Variants in PCDHGA5 observed in about 807,000 individuals in gnomAD.
The protein encoded by PCDHGA5 is protocadherin gamma subfamily A, 5.
In PCDHGA5, 36 loss-of-function variants were observed where a neutral mutation model predicts 56.7. The ratio of observed to expected loss-of-function variants is 0.64; its 90% confidence interval spans 0.49 to 0.84. PCDHGA5 has a LOEUF of 0.84. Among genes scored for constraint, PCDHGA5 ranks in the 40% least tolerant of loss-of-function variants. The pLI, the probability that PCDHGA5 is intolerant of heterozygous loss-of-function variation, is 0.00. For missense variants in PCDHGA5, 1,305 were observed against 1,201.5 expected, an observed-to-expected ratio of 1.09 and a Z score of -1.27; for synonymous variants, 563 against 520.2, an observed-to-expected ratio of 1.08 and a Z score of -1.12.
At chr5:141,499,438 G>A (rs2154592492) in intron 2 of PCDHGA5, among the ~76,000 whole-genome samples, 1 of 152,158 alleles carries the variant, frequency 6.6e-6, no homozygotes, top group Admixed American at 6.5e-5. Context: ...AAAATTAAAA[G>A]GAAAACCACC....
In PCDHGA5 at chr5:141,364,993, A is replaced by C; in HGVS notation, c.663A>C (p.Val221=). 6.2e-7 allele frequency: 1 copy of C among 1,613,740 alleles called. No individual in the cohort carries two copies. The highest frequency in any genetic ancestry group is 8.5e-7 in the Non-Finnish European group (1 of 1,179,838). ...CAGCTTTAGATGGCGGAGACCCGGTACTCTCCGGCACCACGCACATCCGTG... is the reference window on the plus strand; with the variant it reads ...CAGCTTTAGATGGCGGAGACCCGGTCCTCTCCGGCACCACGCACATCCGTG... ...LLTALDGGDP[V]LSGTTHIRVT... is the part of the protein sequence containing the mutation. The change falls in exon 1 of 4, where the codon GTA becomes GTC. Residue 221 remains valine (V), a synonymous_variant. Coordinates refer to ENST00000518069, the MANE Select transcript of PCDHGA5 (RefSeq NM_018918.3).
chr5:141,384,810 C>A (rs755407612), intron 1 of PCDHGA5: 3 of 1,613,422 alleles, frequency 1.9e-6, no homozygotes, highest in Middle Eastern at 1.7e-4. Flanking sequence ...ACAGAGATGC[C>A]CTCAAGCAGA....
At chr5:141,417,821 A>C in intron 1 of PCDHGA5, 3 of 1,515,060 alleles carry the variant, frequency 2.0e-6, no homozygotes, top group Non-Finnish European at 1.8e-6. Context: ...ACTTTCTCCA[A>C]CTGGAAAAGC....
intron 1 of PCDHGA5, chr5:141,422,820 G>A (rs904706749): frequency 6.2e-6 from 10 of 1,614,178 alleles, no homozygotes; most frequent in Non-Finnish European, 7.6e-6. Flanking sequence ...ACTTAGAACT[G>A]AGAGTGATAG....
chr5:141,473,238 G>A (rs1265577738), intron 1 of PCDHGA5, among the ~76,000 whole-genome samples: 4 of 152,200 alleles, frequency 2.6e-5, no homozygotes, highest in Admixed American at 6.5e-5. Context: ...ATCCACACAA[G>A]TGAATACATA....
chr5:141,393,690 C>T (rs779487285), intron 1 of PCDHGA5: 4 of 1,613,752 alleles, frequency 2.5e-6, no homozygotes, highest in Non-Finnish European at 2.5e-6. Context: ...TCCGTTATTC[C>T]AGCTTAATGA....
At position 141,485,342 on chromosome 5, in the gene PCDHGA5, G is replaced by A; in HGVS notation, c.2422-9465G>A. On this transcript the variant is annotated intron_variant, in intron 1 of 3. Coordinates refer to ENST00000518069, the MANE Select transcript of PCDHGA5 (RefSeq NM_018918.3). The surrounding 1 kb of genome is among the most constrained non-coding windows in gnomAD (Gnocchi z 5.7). ...CGCTCAAGATTTCCTGCTGGATACG[G>A]ACAGTCTGTCAGCTCGCAGGCTGCA... 1 of 1,614,164 alleles carries A rather than the reference G, an allele frequency of 6.2e-7. No homozygotes were observed. The highest frequency in any genetic ancestry group is 8.5e-7 in the Non-Finnish European group (1 of 1,180,026).
At chr5:141,466,384 T>C (rs1209046694) in intron 1 of PCDHGA5, among the ~76,000 whole-genome samples, 9 of 152,168 alleles carry the variant, frequency 5.9e-5, no homozygotes, top group Non-Finnish European at 1.3e-4. Context: ...ACCCATCTAA[T>C]GGAAAGTTTG....
At position 141,365,592 on chromosome 5, in the gene PCDHGA5, C is replaced by G; in HGVS notation, c.1262C>G (p.Thr421Ser). ...GAAGAGACTTCAGATTATAATATCA[C>G]TTTAACCGTCATGGACCATGGAACC... ...DREETSDYNI[T>S]LTVMDHGTPP... is the part of the protein sequence containing the mutation. Residue 421 changes from threonine (T) to serine (S), a missense_variant, in exon 1 of 4, where the codon ACT becomes AGT. Transcript: ENST00000518069. 5 of 1,613,682 alleles carry G rather than the reference C, an allele frequency of 3.1e-6. No homozygotes were observed. The highest frequency in any genetic ancestry group is 4.2e-6 in the Non-Finnish European group (5 of 1,179,888).
chr5:141,476,716 C>T lies in PCDHGA5; in HGVS notation c.2422-18091C>T. On this transcript the variant is annotated intron_variant, in intron 1 of 3. Transcript: ENST00000518069. This position sits in a 1 kb window ranked among gnomAD's most constrained non-coding sequence, Gnocchi z 7.6. ...AGTACGCGGAGCTGGTGTTGGAGCG[C>T]GCCCTGGACCGAGAACGGGAGCCTA... 15 of 1,614,148 alleles carry T rather than the reference C, an allele frequency of 9.3e-6. No homozygotes were observed. The highest frequency in any genetic ancestry group is 1.3e-5 in the Non-Finnish European group (15 of 1,180,036).
intron 2 of PCDHGA5, among the ~76,000 whole-genome samples, chr5:141,504,926 TGGTG>T (rs1312481961): frequency 1.3e-5 from 2 of 151,946 alleles, no homozygotes; most frequent in Non-Finnish European, 2.9e-5. Context: ...GGCTCTCTCA[TGGTG>T]GGTGGGGGAA....
At chr5:141,427,970 C>G in intron 1 of PCDHGA5, 1 of 1,592,510 alleles carries the variant, frequency 6.3e-7, no homozygotes. Context: ...GGGTGCTGTA[C>G]CCCGCGCTGG....
Position 141,477,012 on chromosome 5 carries a change from T to C in PCDHGA5, c.2422-17795T>C. The C allele has an allele frequency of 6.2e-7, 1 of 1,614,186 alleles. No homozygotes were observed. Among genetic ancestry groups the C allele is most frequent in the Non-Finnish European group, 8.5e-7 (1 of 1,180,026 alleles). On this transcript the variant is annotated intron_variant, in intron 1 of 3. Coordinates refer to ENST00000518069, the MANE Select transcript of PCDHGA5 (RefSeq NM_018918.3). The surrounding 1 kb of genome is among the most constrained non-coding windows in gnomAD (Gnocchi z 4.9). The stretch of plus-strand genomic sequence containing the variant: ...GTGCGGCAACTATTCGCCTTAGACC[T>C]TGTAACCGGGATGCTGACAATCAAG...
chr5:141,429,638 A>G (rs2097231013), intron 1 of PCDHGA5, among the ~76,000 whole-genome samples: 1 of 152,238 alleles, frequency 6.6e-6, no homozygotes, highest in African/African-American at 2.4e-5. Flanking sequence ...ACAGCTACCT[A>G]TATATTTCTT....
Position 141,491,755 on chromosome 5 carries a change from G to A in PCDHGA5, c.2422-3052G>A. On this transcript the variant is annotated intron_variant, in intron 1 of 3. Transcript: ENST00000518069. This position sits in a 1 kb window ranked among gnomAD's most constrained non-coding sequence, Gnocchi z 6.9. Reference sequence around the variant, plus strand: ...CCCTGGGGGCGGCACTGGAGAAGCCGCCCGTCCTCATAAGGGATTGAACTT... The same window carrying A: ...CCCTGGGGGCGGCACTGGAGAAGCCACCCGTCCTCATAAGGGATTGAACTT... 6 of 1,582,196 alleles carry A rather than the reference G, an allele frequency of 3.8e-6. No individual in the cohort carries two copies. The highest frequency in any genetic ancestry group is 5.1e-6 in the Non-Finnish European group (6 of 1,165,450).
At position 141,491,834 on chromosome 5, in the gene PCDHGA5, C is replaced by T; in HGVS notation, c.2422-2973C>T. 6 of 1,473,830 alleles carry T rather than the reference C, an allele frequency of 4.1e-6. No homozygotes were observed. The highest frequency in any genetic ancestry group is 5.4e-6 in the Non-Finnish European group (6 of 1,112,366). The allele number at this position is 1,473,830 out of a possible 1,614,324, so 91.3% of individuals were successfully genotyped here. ...CGCTGGCTGCGCTCCACCCGATTCTCGGGATCATTGGACCGTTTGCGCGAA... is the reference window on the plus strand; with the variant it reads ...CGCTGGCTGCGCTCCACCCGATTCTTGGGATCATTGGACCGTTTGCGCGAA... On this transcript the variant is annotated intron_variant, in intron 1 of 3. Transcript: ENST00000518069. This position sits in a 1 kb window ranked among gnomAD's most constrained non-coding sequence, Gnocchi z 6.9.
chr5:141,409,761 T>A, intron 1 of PCDHGA5: 1 of 1,612,966 alleles, frequency 6.2e-7, no homozygotes, highest in Non-Finnish European at 8.5e-7. Context: ...CAGCGCGCCT[T>A]TGATCACGAG....
At chr5:141,496,400 A>G (rs540108338) in intron 2 of PCDHGA5, among the ~76,000 whole-genome samples, 2 of 152,240 alleles carry the variant, frequency 1.3e-5, no homozygotes, top group East Asian at 3.9e-4. Flanking sequence ...TACCTCCTCA[A>G]TGGTTGAGTA....
At chr5:141,415,560 GT>G in intron 1 of PCDHGA5, 1 of 1,613,936 alleles carries the variant, frequency 6.2e-7, no homozygotes, top group Non-Finnish European at 8.5e-7. Flanking sequence ...ACGATCCTTT[GT>G]CTTTGTTAGA....
Sources: gnomAD v4.1 joint callset for allele counts (sites outside exome capture counted in the v4.1 genomes callset) on GRCh38, gnomAD v4.1.1 for gene constraint, Gnocchi (gnomAD v3.1) non-coding constraint, MANE v1.5 for transcripts, NCBI Gene and HGNC (gene_info 2026-07-23, HGNC 2026-07-21) for gene names.